The following CSMD1 variants were observed in gnomAD, a reference collection of about 807,000 sequenced individuals.
The protein encoded by CSMD1 is CUB and Sushi multiple domains 1.
A neutral mutation model predicts 417.5 loss-of-function variants in CSMD1; 213 were observed. The observed-to-expected ratio is 0.51, with a 90% CI of 0.46 to 0.57. The LOEUF is 0.57. CSMD1 is among the 20% of genes least tolerant of loss of function. The pLI is 0.00. For missense variants in CSMD1, 6,923 were observed against 4,529.7 expected (o/e 1.53, Z -15.17); for synonymous variants, 2,862 against 1,736.8 (o/e 1.65, Z -16.11).
intron 7 of CSMD1, among the ~76,000 whole-genome samples, chr8:3,663,042 C>T (rs1259458203): frequency 1.3e-5 from 2 of 151,992 alleles, no homozygotes; most frequent in Non-Finnish European, 1.5e-5. Context: ...ATTTGTCTGG[C>T]AGTGGGAATA....
intron 2 of CSMD1, among the ~76,000 whole-genome samples, chr8:4,435,810 C>G (rs1028641028): frequency 1.3e-5 from 2 of 152,174 alleles, no homozygotes; most frequent in Non-Finnish European, 2.9e-5. Context: ...GACCGTGTCC[C>G]GAACACCTTC....
intron 6 of CSMD1, among the ~76,000 whole-genome samples, chr8:3,731,686 A>C (rs1257313817): frequency 6.6e-6 from 1 of 152,222 alleles, no homozygotes; most frequent in Non-Finnish European, 1.5e-5. Context: ...ACAATTGAGG[A>C]AACAAAGTAT....
chr8:3,413,262 G>C (rs1026993069), intron 12 of CSMD1, among the ~76,000 whole-genome samples: 2 of 152,074 alleles, frequency 1.3e-5, no homozygotes, highest in African/African-American at 4.8e-5. Flanking sequence ...ATGGCATTTT[G>C]GGGATACTAT....
chr8:4,484,344 A>T (rs1429072676), intron 2 of CSMD1, among the ~76,000 whole-genome samples: 1 of 152,182 alleles, frequency 6.6e-6, no homozygotes, highest in Non-Finnish European at 1.5e-5. Context: ...TTTAACATTG[A>T]GAGAAAGAGA....
At chr8:4,080,279 G>A (rs11781684) in intron 3 of CSMD1, among the ~76,000 whole-genome samples, 13,014 of 152,170 alleles carry the variant, frequency 0.086, 710 homozygotes, top group African/African-American at 0.15. Flanking sequence ...CTTGACAAGT[G>A]CACACCACGG....
chr8:4,125,888 T>C (rs911321237), intron 3 of CSMD1, among the ~76,000 whole-genome samples: 3 of 152,090 alleles, frequency 2.0e-5, no homozygotes, highest in Non-Finnish European at 4.4e-5. Context: ...GGACTTACGG[T>C]TTAGGAGACA....
chr8:4,989,223 T>C (rs535334377), intron 1 of CSMD1, among the ~76,000 whole-genome samples: 1 of 152,214 alleles, frequency 6.6e-6, no homozygotes, highest in African/African-American at 2.4e-5. Context: ...AGCCGAAACA[T>C]CTATTTCTAT....
chr8:4,070,719 T>G (rs777703353), intron 3 of CSMD1, among the ~76,000 whole-genome samples: 14 of 152,102 alleles, frequency 9.2e-5, no homozygotes, highest in Admixed American at 5.2e-4. Flanking sequence ...GTTGTTTCCA[T>G]GAAGCCCGAG....
At chr8:4,368,952 T>C (rs910994677) in intron 3 of CSMD1, among the ~76,000 whole-genome samples, 1 of 152,166 alleles carries the variant, frequency 6.6e-6, no homozygotes, top group African/African-American at 2.4e-5. Context: ...TTCAATTTCA[T>C]TCAGTTCAGC....
intron 3 of CSMD1, among the ~76,000 whole-genome samples, chr8:4,392,026 G>C (rs112343026): frequency 6.6e-6 from 1 of 152,144 alleles, no homozygotes; most frequent in Non-Finnish European, 1.5e-5. Context: ...GTGGGTAAGT[G>C]AGTCCCAGGG....
intron 2 of CSMD1, among the ~76,000 whole-genome samples, chr8:4,542,278 C>G (rs1263317396): frequency 6.6e-6 from 1 of 151,950 alleles, no homozygotes; most frequent in Non-Finnish European, 1.5e-5. Context: ...AGGATAAACA[C>G]AGTCAACAAA....
intron 3 of CSMD1, among the ~76,000 whole-genome samples, chr8:4,169,953 G>T (rs1367628284): frequency 6.7e-6 from 1 of 149,970 alleles, no homozygotes; most frequent in Non-Finnish European, 1.5e-5. Context: ...GCTTGCGTGT[G>T]TGTTTTCCTC....
intron 5 of CSMD1, among the ~76,000 whole-genome samples, chr8:3,956,391 G>A (rs372598917): frequency 6.6e-6 from 1 of 152,180 alleles, no homozygotes; most frequent in Non-Finnish European, 1.5e-5. Flanking sequence ...GCTAGAATTT[G>A]AAGCCCAGAA....
chr8:3,702,815 C>T (rs950050632), intron 7 of CSMD1, among the ~76,000 whole-genome samples: 5 of 152,250 alleles, frequency 3.3e-5, no homozygotes, highest in East Asian at 3.9e-4. Context: ...GGTGACAGAA[C>T]GAGACTCTGT....
chr8:3,263,600 T>C (rs1024240198), intron 26 of CSMD1, among the ~76,000 whole-genome samples: 2 of 152,232 alleles, frequency 1.3e-5, no homozygotes, highest in Non-Finnish European at 2.9e-5. Flanking sequence ...TGTTTTAATA[T>C]TTTTAGTATG....
chr8:4,719,987 ATCAG>A (rs1474898512), intron 1 of CSMD1, among the ~76,000 whole-genome samples: 2 of 152,126 alleles, frequency 1.3e-5, no homozygotes, highest in African/African-American at 2.4e-5. Flanking sequence ...CTACAAAATA[ATCAG>A]TCATTCTCAC....
At chr8:4,197,852 C>G (rs770401051) in intron 3 of CSMD1, among the ~76,000 whole-genome samples, 4 of 152,158 alleles carry the variant, frequency 2.6e-5, no homozygotes, top group Admixed American at 6.5e-5. Context: ...ACACTCCAGC[C>G]TGGGCAACAG....
At position 3,857,048 on chromosome 8, in the gene CSMD1, G is replaced by C. The variant is rs896276844; in HGVS notation, c.819-103006C>G. On this transcript the variant is annotated intron_variant, in intron 5 of 69. Transcript: ENST00000635120. ...TAGAAATATATATCGAGGGCTTCTT[G>C]TATATCCCACACTTACTTCAGGAAA... Among the ~76,000 whole-genome samples the C allele has an allele frequency of 7.2e-5, 11 of 151,954 alleles. No homozygotes were observed. In the South Asian group the frequency reaches 1.2e-3, roughly 17 times the overall value.
In CSMD1 at chr8:3,006,534, T is replaced by G. The variant is rs373567017; in HGVS notation, c.8030-6403A>C. Among the ~76,000 whole-genome samples the G allele has an allele frequency of 4.3e-4, 65 of 152,210 alleles. No individual in the cohort carries two copies. In the East Asian group the frequency reaches 0.012, roughly 28 times the overall value. ...CTGACTTCAAACTATACTACAAGGCTACAGTAACCAAAACAGCATGGTACT... is the reference window on the plus strand; with the variant it reads ...CTGACTTCAAACTATACTACAAGGCGACAGTAACCAAAACAGCATGGTACT... On this transcript the variant is annotated intron_variant, in intron 52 of 69. Transcript: ENST00000635120.
Sources: allele counts gnomAD v4.1 joint callset (sites outside exome capture counted in the v4.1 genomes callset), GRCh38; gene constraint gnomAD v4.1.1; transcripts MANE v1.5; gene names NCBI Gene and HGNC (gene_info 2026-07-23, HGNC 2026-07-21).